The following IRAK2 variants were observed in gnomAD, a reference collection of about 807,000 sequenced individuals.
IRAK2 encodes interleukin-1 receptor-associated kinase-like 2.
In IRAK2, 57 loss-of-function variants were observed where a neutral mutation model predicts 72.0. The observed-to-expected ratio is 0.79, with a 90% CI of 0.64 to 0.99. IRAK2 has a LOEUF of 0.99. Among genes scored for constraint, IRAK2 ranks in the 50% least tolerant of loss-of-function variants. The pLI is 0.00. For synonymous variants in IRAK2, 293 were observed against 312.7 expected (o/e 0.94, Z 0.67); for missense variants, 790 against 794.4 (o/e 0.99, Z 0.07).
intron 1 of IRAK2, among the ~76,000 whole-genome samples, chr3:10,167,643 C>A (rs1696717937): frequency 6.6e-6 from 1 of 152,100 alleles, no homozygotes; most frequent in Non-Finnish European, 1.5e-5. Flanking sequence ...TCTTGATCTC[C>A]TGACCGTGTA....
At chr3:10,193,748 G>A (rs1019441911) in intron 2 of IRAK2, among the ~76,000 whole-genome samples, 1 of 152,222 alleles carries the variant, frequency 6.6e-6, no homozygotes, top group Non-Finnish European at 1.5e-5. Flanking sequence ...CTATCCCTGG[G>A]GGTCCCAGCA....
chr3:10,192,858 G>A (rs1697199208), intron 2 of IRAK2, among the ~76,000 whole-genome samples: 1 of 152,218 alleles, frequency 6.6e-6, no homozygotes, highest in African/African-American at 2.4e-5. Context: ...GGCAGAAGTT[G>A]TAATGAGCAG....
At position 10,242,935 on chromosome 3, in the gene IRAK2, A is replaced by G. The variant is rs1274281050; in HGVS notation, c.*707A>G. 6.6e-6 allele frequency: 1 copy of G among 152,248 alleles called. No homozygotes were observed. The highest frequency in any genetic ancestry group is 2.4e-5 in the African/African-American group (1 of 41,468). 9.4% of individuals were successfully genotyped at this position (152,248 alleles called of 1,614,324 possible). A position where few individuals can be genotyped will look rare whatever the true frequency, so the allele number is the denominator to read the frequency against. On this transcript the variant is annotated 3_prime_UTR_variant, in exon 13 of 13. Transcript: ENST00000256458. ...CACTGCCTGTATTGGAAATCTTGCA[A>G]TTCACATAATTATTCAGTCACTGCC...
chr3:10,213,212 C>T lies in IRAK2; in HGVS notation c.534C>T (p.Phe178=). 1 of 1,613,918 alleles carries T rather than the reference C, an allele frequency of 6.2e-7. No homozygotes were observed. The highest frequency in any genetic ancestry group is 8.5e-7 in the Non-Finnish European group (1 of 1,179,860). ...DLPTSSDSKD[F]STSIPKQEKL... ...TCTTCTCTCTGGGTCTCCAGGACTT[C>T]AGCACCTCCATTCCTAAGCAGGAAA... The change falls in exon 5 of 13, where the codon TTC becomes TTT. Residue 178 remains phenylalanine, a synonymous_variant. Coordinates refer to ENST00000256458, the MANE Select transcript of IRAK2 (RefSeq NM_001570.4).
At chr3:10,195,766 A>G (rs1697253448) in intron 2 of IRAK2, among the ~76,000 whole-genome samples, 2 of 152,094 alleles carry the variant, frequency 1.3e-5, no homozygotes. Flanking sequence ...GCAGGAGGTC[A>G]CTGTTGGGAA....
chr3:10,225,785 A>G (rs544558682), intron 9 of IRAK2, among the ~76,000 whole-genome samples: 3 of 148,358 alleles, frequency 2.0e-5, no homozygotes, highest in Non-Finnish European at 1.5e-5. Flanking sequence ...TGCAAGATCC[A>G]CCTCCCAGGT....
chr3:10,210,110 G>A (rs1219615384), intron 4 of IRAK2, among the ~76,000 whole-genome samples: 13 of 152,162 alleles, frequency 8.5e-5, no homozygotes, highest in Non-Finnish European at 1.0e-4. Context: ...TAGTAGAGAC[G>A]GGGTCTCACC....
chr3:10,174,105 A>G (rs1035562348), intron 1 of IRAK2, among the ~76,000 whole-genome samples: 9 of 152,022 alleles, frequency 5.9e-5, no homozygotes, highest in African/African-American at 1.7e-4. Flanking sequence ...TGGATGACCA[A>G]TGCTTCGTGG....
intron 3 of IRAK2, 68 bp downstream of exon 3, chr3:10,200,583 A>G: frequency 7.1e-7 from 1 of 1,410,748 alleles, no homozygotes; most frequent in South Asian, 1.5e-5. Context: ...ATCTATAAGG[A>G]CATTCAGCTT....
intron 3 of IRAK2, among the ~76,000 whole-genome samples, chr3:10,201,023 T>A (rs1192163763): frequency 6.6e-6 from 1 of 152,196 alleles, no homozygotes; most frequent in Non-Finnish European, 1.5e-5. Flanking sequence ...ACTGACAATA[T>A]CGGGAGGTAG....
At chr3:10,239,189 A>G in intron 12 of IRAK2, 150 bp downstream of exon 12, 2 of 718,808 alleles carry the variant, frequency 2.8e-6, no homozygotes, top group Non-Finnish European at 4.5e-6. Context: ...GAAACCTGGG[A>G]GGCATCCTTG....
Position 10,242,401 on chromosome 3 carries a change from C to T in IRAK2, c.*173C>T, listed in dbSNP as rs1173144274. The T allele has an allele frequency of 9.0e-6, 4 of 446,764 alleles. No homozygotes were observed. Among genetic ancestry groups the T allele is most frequent in the African/African-American group, 4.0e-5 (2 of 49,842 alleles). 27.7% of individuals were successfully genotyped at this position (446,764 alleles called of 1,614,324 possible). A position where few individuals can be genotyped will look rare whatever the true frequency, so the allele number is the denominator to read the frequency against. On this transcript the variant is annotated 3_prime_UTR_variant, in exon 13 of 13. Coordinates refer to ENST00000256458, the MANE Select transcript of IRAK2 (RefSeq NM_001570.4). ...TGGAATGAGTTGGGAGAGAAAGGCC[C>T]TCAGCTTTTAGAGACACAAAAATCC...
intron 2 of IRAK2, among the ~76,000 whole-genome samples, chr3:10,179,890 G>A (rs1696935711): frequency 6.6e-6 from 1 of 152,200 alleles, no homozygotes; most frequent in African/African-American, 2.4e-5. Flanking sequence ...TCTGTATAGT[G>A]TCATGATACA....
intron 2 of IRAK2, among the ~76,000 whole-genome samples, chr3:10,192,174 A>T (rs903492371): frequency 2.0e-5 from 3 of 152,214 alleles, no homozygotes; most frequent in African/African-American, 7.2e-5. Context: ...GCCAGCTGGC[A>T]CGAGGGTGCT....
intron 1 of IRAK2, among the ~76,000 whole-genome samples, chr3:10,173,143 T>G (rs890431468): frequency 5.3e-5 from 8 of 152,090 alleles, no homozygotes; most frequent in Non-Finnish European, 1.0e-4. Context: ...CTGTTATCCT[T>G]GTTTGACAGA....
chr3:10,234,814 G>GGA lies in IRAK2; in HGVS notation c.1473+155_1473+156insGA, dbSNP rs1697927159. Among the ~76,000 whole-genome samples, 3 of 152,368 alleles carry GGA rather than the reference G, an allele frequency of 2.0e-5. No individual in the cohort carries two copies. In the South Asian group the frequency reaches 6.2e-4, roughly 32 times the overall value. On this transcript the variant is annotated intron_variant, in intron 11 of 12. Transcript: ENST00000256458. Reference sequence around the variant, plus strand: ...GAGCTCCCATCAGCCAAAGGGCGGTGTAGGGATGGATAGTGCGGAGCCCGA... The same window carrying GGA: ...GAGCTCCCATCAGCCAAAGGGCGGTGGATAGGGATGGATAGTGCGGAGCCCGA...
At chr3:10,219,174 A>T (rs956292480) in intron 7 of IRAK2, among the ~76,000 whole-genome samples, 4 of 152,296 alleles carry the variant, frequency 2.6e-5, no homozygotes, top group African/African-American at 9.6e-5. Flanking sequence ...TCTGGGTGAC[A>T]GAGCAAGACC....
rs551467855 is a variant in IRAK2, at chr3:10,202,429, CT to C, written c.424+1915del. Among the ~76,000 whole-genome samples, 80 of 152,188 alleles carry C rather than the reference CT, an allele frequency of 5.3e-4. 1 individual carries two copies. In the East Asian group the frequency reaches 0.012, roughly 22 times the overall value. The stretch of plus-strand genomic sequence containing the variant: ...ACGAGGTCAGGAGATCAATACCATC[CT>C]GGCTAACACGGTGAAACCCTGTCTC... On this transcript the variant is annotated intron_variant, in intron 3 of 12. Transcript: ENST00000256458.
At chr3:10,230,493 C>T (rs1355011685) in intron 10 of IRAK2, among the ~76,000 whole-genome samples, 1 of 151,942 alleles carries the variant, frequency 6.6e-6, no homozygotes, top group Non-Finnish European at 1.5e-5. Flanking sequence ...TGGCATCTGA[C>T]AGGTTTATTG....
Sources: allele counts gnomAD v4.1 joint callset (sites outside exome capture counted in the v4.1 genomes callset), GRCh38; gene constraint gnomAD v4.1.1; transcripts MANE v1.5; gene names NCBI Gene and HGNC (gene_info 2026-07-23, HGNC 2026-07-21).